KCNH7: variants seen among roughly 807,000 people sequenced by gnomAD.
KCNH7 encodes the protein potassium voltage-gated channel subfamily H member 7, also known as voltage-gated inwardly rectifying potassium channel KCNH7.
In KCNH7, 49 loss-of-function variants were observed where a neutral mutation model predicts 120.8. That is an observed-to-expected ratio of 0.41 (90% CI 0.32 to 0.51). KCNH7 has a LOEUF of 0.51. Among genes scored for constraint, KCNH7 ranks in the 20% least tolerant of loss-of-function variants. KCNH7 has a pLI of 0.38. For synonymous variants in KCNH7, 547 were observed against 516.1 expected (o/e 1.06, Z -0.81); for missense variants, 1,097 against 1,446.6 (o/e 0.76, Z 3.92).
At chr2:162,485,085 A>C (rs1254995783) in intron 6 of KCNH7, among the ~76,000 whole-genome samples, 2 of 152,238 alleles carry the variant, frequency 1.3e-5, no homozygotes, top group Non-Finnish European at 2.9e-5. Context: ...GATTTTAAGC[A>C]AACACACAAA....
chr2:162,552,479 T>C (rs1692702799), intron 2 of KCNH7, among the ~76,000 whole-genome samples: 1 of 152,138 alleles, frequency 6.6e-6, no homozygotes, highest in African/African-American at 2.4e-5. Context: ...CCAGGCAAAA[T>C]TCTAAGATGG....
intron 3 of KCNH7, 24 bp downstream of exon 3, chr2:162,536,901 G>A: frequency 1.3e-6 from 2 of 1,599,096 alleles, no homozygotes; most frequent in East Asian, 2.2e-5. Flanking sequence ...CAAGAGCATT[G>A]AGTACACATT....
chr2:162,527,685 C>T (rs573122867), intron 3 of KCNH7, among the ~76,000 whole-genome samples: 158 of 151,956 alleles, frequency 1.0e-3, no homozygotes, highest in Non-Finnish European at 1.7e-3. Flanking sequence ...TAGAAAAATT[C>T]AAAATTTTAG....
intron 2 of KCNH7, among the ~76,000 whole-genome samples, chr2:162,566,188 T>C (rs915924241): frequency 6.6e-6 from 1 of 152,014 alleles, no homozygotes; most frequent in African/African-American, 2.4e-5. Flanking sequence ...AAAGCATCTG[T>C]TGTTTATTAT....
chr2:162,393,656 G>T (rs995155582), intron 12 of KCNH7, among the ~76,000 whole-genome samples: 4 of 151,928 alleles, frequency 2.6e-5, no homozygotes, highest in Admixed American at 2.0e-4. Flanking sequence ...GTAAAGACTA[G>T]AATGTTTGTT....
chr2:162,660,389 A>G (rs1232638339), intron 2 of KCNH7, among the ~76,000 whole-genome samples: 8 of 152,062 alleles, frequency 5.3e-5, no homozygotes, highest in Admixed American at 5.2e-4. Flanking sequence ...CCCATGTGTT[A>G]TTTAATCCTC....
intron 2 of KCNH7, among the ~76,000 whole-genome samples, chr2:162,594,254 C>T (rs1164295945): frequency 6.6e-6 from 1 of 151,988 alleles, no homozygotes; most frequent in African/African-American, 2.4e-5. Flanking sequence ...TTTGGAACCA[C>T]TGGCTTCATA....
chr2:162,375,043 C>T lies in KCNH7; in HGVS notation c.3132-1381G>A, dbSNP rs112504589. ...TTATACATATTTTTCTTTCATTTCA[C>T]TCTTCAAGTCCCAGCTTATATGTTA... On this transcript the variant is annotated intron_variant, in intron 14 of 15. Transcript: ENST00000332142. Among the ~76,000 whole-genome samples the T allele has an allele frequency of 5.1e-3, 778 of 152,256 alleles. 8 individuals carry two copies. The highest frequency in any genetic ancestry group is 0.018 in the African/African-American group (736 of 41,546).
At chr2:162,741,009 A>C (rs1023359020) in intron 2 of KCNH7, among the ~76,000 whole-genome samples, 1 of 152,118 alleles carries the variant, frequency 6.6e-6, no homozygotes, top group African/African-American at 2.4e-5. Flanking sequence ...ATCTTGATTC[A>C]AAAATCTTGC....
chr2:162,583,263 T>A (rs1693937181), intron 2 of KCNH7, among the ~76,000 whole-genome samples: 1 of 152,056 alleles, frequency 6.6e-6, no homozygotes, highest in Non-Finnish European at 1.5e-5. Context: ...TTTCCAATAG[T>A]AAGGAGACTG....
chr2:162,624,459 A>G (rs1308597256), intron 2 of KCNH7, among the ~76,000 whole-genome samples: 1 of 152,116 alleles, frequency 6.6e-6, no homozygotes, highest in Non-Finnish European at 1.5e-5. Flanking sequence ...TTCTTAACCC[A>G]TTGAAATCCT....
intron 2 of KCNH7, among the ~76,000 whole-genome samples, chr2:162,680,861 A>C (rs1213728505): frequency 6.6e-6 from 1 of 151,834 alleles, no homozygotes; most frequent in Non-Finnish European, 1.5e-5. Flanking sequence ...AGATGAGATC[A>C]GGAAAACGCC....
chr2:162,765,870 C>T (rs762885701), intron 2 of KCNH7, among the ~76,000 whole-genome samples: 15 of 152,218 alleles, frequency 9.9e-5, no homozygotes, highest in African/African-American at 2.6e-4. Context: ...AATGATCCTC[C>T]GGCCTCAGCC....
intron 2 of KCNH7, among the ~76,000 whole-genome samples, chr2:162,548,971 A>C (rs879426258): frequency 6.6e-6 from 1 of 152,136 alleles, no homozygotes; most frequent in African/African-American, 2.4e-5. Flanking sequence ...CCCAATATTG[A>C]TTAACTGGGG....
intron 3 of KCNH7, among the ~76,000 whole-genome samples, chr2:162,518,891 G>T (rs1691418849): frequency 6.7e-6 from 1 of 150,226 alleles, no homozygotes. Flanking sequence ...TGCACAGAAG[G>T]ACAAGTAAAT....
At chr2:162,803,354 A>G (rs1349503191) in intron 2 of KCNH7, among the ~76,000 whole-genome samples, 3 of 151,792 alleles carry the variant, frequency 2.0e-5, no homozygotes, top group Admixed American at 6.6e-5. Context: ...CATGTCTACA[A>G]TAAACTTGTA....
intron 2 of KCNH7, among the ~76,000 whole-genome samples, chr2:162,828,510 T>C (rs1433329675): frequency 6.6e-6 from 1 of 151,540 alleles, no homozygotes; most frequent in Non-Finnish European, 1.5e-5. Context: ...AATCAATATT[T>C]CAAAAAATGC....
At chr2:162,525,742 C>A (rs1298289421) in intron 3 of KCNH7, among the ~76,000 whole-genome samples, 1 of 151,930 alleles carries the variant, frequency 6.6e-6, no homozygotes, top group Non-Finnish European at 1.5e-5. Context: ...AACAGACACT[C>A]TCTTGATGGA....
At chr2:162,439,931 A>G (rs1042840094) in intron 7 of KCNH7, among the ~76,000 whole-genome samples, 6 of 151,784 alleles carry the variant, frequency 4.0e-5, no homozygotes, top group Non-Finnish European at 1.5e-5. Flanking sequence ...TAGATATTTT[A>G]CAATAAATCA....
Sources: allele counts gnomAD v4.1 joint callset (sites outside exome capture counted in the v4.1 genomes callset), GRCh38; gene constraint gnomAD v4.1.1; transcripts MANE v1.5; gene names NCBI Gene and HGNC (gene_info 2026-07-23, HGNC 2026-07-21).